MAMLD1: variants seen among roughly 807,000 people sequenced by gnomAD.
The protein encoded by MAMLD1 is mastermind-like domain-containing protein 1.
MAMLD1 carries 14 observed loss-of-function variants against 45.0 expected under a neutral mutation model. The ratio of observed to expected loss-of-function variants is 0.31; its 90% CI spans 0.21 to 0.49. MAMLD1 has a LOEUF of 0.49. Ranked by LOEUF, MAMLD1 falls within the 20% of genes least tolerant of loss-of-function variation. The pLI is 0.99. For synonymous variants in MAMLD1, 254 were observed against 247.8 expected (o/e 1.02, Z -0.24); for missense variants, 543 against 603.6 (o/e 0.90, Z 1.05).
chrX:150,365,107 T>A (rs782331509), intron 1 of MAMLD1, among the ~76,000 whole-genome samples: 1 of 46,445 alleles, frequency 2.2e-5, no homozygotes, highest in Middle Eastern at 0.014. Context: ...CCCCCCTCCC[T>A]CCCACCCCCG....
At chrX:150,420,389 C>T (rs1362151582) in intron 1 of MAMLD1, among the ~76,000 whole-genome samples, 96 of 105,051 alleles carry the variant, frequency 9.1e-4, no homozygotes, top group African/African-American at 3.2e-3. Context: ...TTTGAATGTC[C>T]TCCCATAGCT....
rs1409152161 is a variant in MAMLD1 at position 150,368,574 on chromosome X, C to G, written c.-64+5044C>G. On this transcript the variant is annotated intron_variant, in intron 1 of 7. Coordinates refer to ENST00000370401, the MANE Select transcript of MAMLD1 (RefSeq NM_005491.5). ...GAAGCTCTTTAGTTTAATTAGATCCCATTTGTCAATTTTGGCTTTTGTTGC... is the reference window on the plus strand; with the variant it reads ...GAAGCTCTTTAGTTTAATTAGATCCGATTTGTCAATTTTGGCTTTTGTTGC... Among the ~76,000 whole-genome samples the G allele has an allele frequency of 6.6e-3, 733 of 111,223 alleles. 9 individuals carry two copies. Among genetic ancestry groups the G allele is most frequent in the African/African-American group, 0.022 (669 of 30,662 alleles).
intron 6 of MAMLD1, chrX:150,509,334 C>A (rs1423460318): frequency 8.8e-6 from 1 of 113,517 alleles, no homozygotes; most frequent in Non-Finnish European, 1.8e-5. Context: ...CCTATGACAG[C>A]CCTGCAGAGG....
intron 4 of MAMLD1, among the ~76,000 whole-genome samples, chrX:150,471,880 G>C (rs903395607): frequency 4.4e-5 from 5 of 112,433 alleles, no homozygotes; most frequent in Non-Finnish European, 9.4e-5. Flanking sequence ...TCTTATCCCT[G>C]CTGGCAGAAG....
At chrX:150,498,060 T>C (rs1172516557) in intron 5 of MAMLD1, among the ~76,000 whole-genome samples, 3 of 111,469 alleles carry the variant, frequency 2.7e-5, no homozygotes, top group Non-Finnish European at 5.6e-5. Flanking sequence ...GAGTAAGTTC[T>C]CAGTAAATAT....
chrX:150,486,416 G>C (rs1416934036), intron 5 of MAMLD1, among the ~76,000 whole-genome samples: 1 of 111,946 alleles, frequency 8.9e-6, no homozygotes, highest in Non-Finnish European at 1.9e-5. Context: ...CATGTCAGCT[G>C]TGTCCCCCGC....
At chrX:150,469,606 CCTCTCTCTCT>C (rs200460474) in intron 3 of MAMLD1, 129 bp from the exon 4 acceptor site, 2 of 416,138 alleles carry the variant, frequency 4.8e-6, no homozygotes, top group African/African-American at 2.8e-5. Context: ...TATAAAAATT[CCTCTCTCTCT>C]CTCTCTCTCT....
intron 6 of MAMLD1, chrX:150,504,495 T>TTC (rs1322331705): frequency 2.6e-5 from 17 of 651,489 alleles, no homozygotes; most frequent in South Asian, 1.6e-4. Context: ...GGCTATTGAT[T>TTC]TCTCTCTCTC....
intron 1 of MAMLD1, among the ~76,000 whole-genome samples, chrX:150,371,850 C>A (rs1171670959): frequency 9.0e-6 from 1 of 111,426 alleles, no homozygotes; most frequent in East Asian, 2.8e-4. Flanking sequence ...ACCTCACCTG[C>A]AAACTCAGAT....
intron 1 of MAMLD1, among the ~76,000 whole-genome samples, chrX:150,430,283 T>G (rs1454068679): frequency 9.1e-6 from 1 of 110,148 alleles, no homozygotes; most frequent in African/African-American, 3.3e-5. Flanking sequence ...CCAAAATGGC[T>G]TCTGCCCGTT....
At chrX:150,503,864 G>A (rs939385956) in intron 6 of MAMLD1, among the ~76,000 whole-genome samples, 2 of 112,125 alleles carry the variant, frequency 1.8e-5, no homozygotes, top group Non-Finnish European at 3.8e-5. Flanking sequence ...CTACCTGCCT[G>A]TCTGTCCCTG....
At chrX:150,423,387 T>TGTGTGTGC (rs782748216) in intron 1 of MAMLD1, among the ~76,000 whole-genome samples, 12 of 103,693 alleles carry the variant, frequency 1.2e-4, no homozygotes, top group East Asian at 3.0e-4. Context: ...TGTGTGTGTT[T>TGTGTGTGC]GCACCTTTGG....
At chrX:150,490,058 T>C (rs2037133217) in intron 5 of MAMLD1, among the ~76,000 whole-genome samples, 1 of 112,054 alleles carries the variant, frequency 8.9e-6, no homozygotes, top group South Asian at 3.7e-4. Context: ...TGTTCAGTCA[T>C]TGGCCGGGAG....
At chrX:150,395,454 G>A (rs2033377782) in intron 1 of MAMLD1, among the ~76,000 whole-genome samples, 1 of 111,433 alleles carries the variant, frequency 9.0e-6, no homozygotes, top group Non-Finnish European at 1.9e-5. Context: ...ATTAAATTGA[G>A]TTATAACATA....
chrX:150,462,556 T>C (rs1557405666), intron 2 of MAMLD1, among the ~76,000 whole-genome samples: 2 of 112,118 alleles, frequency 1.8e-5, no homozygotes, highest in Non-Finnish European at 3.8e-5. Context: ...GACCTGCTAC[T>C]CTCAGGATTC....
chrX:150,457,993 G>A (rs946374116), intron 2 of MAMLD1, among the ~76,000 whole-genome samples: 34 of 111,398 alleles, frequency 3.1e-4, no homozygotes, highest in Non-Finnish European at 5.5e-4. Context: ...AAGAGTCTTT[G>A]GACTGACTCC....
chrX:150,405,874 A>G (rs1461033860), intron 1 of MAMLD1, among the ~76,000 whole-genome samples: 1 of 110,035 alleles, frequency 9.1e-6, no homozygotes, highest in Non-Finnish European at 1.9e-5. Context: ...AAAGTGGGGG[A>G]GCAAAAAGAA....
chrX:150,404,035 GAGGAAGGAAGGAAGGAA>G (rs1367352875), intron 1 of MAMLD1, among the ~76,000 whole-genome samples: 1 of 64,660 alleles, frequency 1.5e-5, no homozygotes, highest in African/African-American at 9.2e-5. Flanking sequence ...GGGAGGAAGG[GAGGAAGGAAGGAAGGAA>G]AGGAAGGAAG....
At chrX:150,507,679 CTCCGGGG>C (rs2037770986) in intron 6 of MAMLD1, among the ~76,000 whole-genome samples, 1 of 112,359 alleles carries the variant, frequency 8.9e-6, no homozygotes, top group Admixed American at 9.3e-5. Context: ...TTCCATTAGA[CTCCGGGG>C]TCCTCTGGAA....
Sources: allele counts gnomAD v4.1 joint callset (sites outside exome capture counted in the v4.1 genomes callset), GRCh38; gene constraint gnomAD v4.1.1; transcripts MANE v1.5; gene names NCBI Gene and HGNC (gene_info 2026-07-23, HGNC 2026-07-21).